The following ZFPM2 variants were observed in gnomAD, a reference collection of about 807,000 sequenced individuals.
ZFPM2 encodes zinc finger protein ZFPM2.
In ZFPM2, 20 loss-of-function variants were observed where a neutral mutation model predicts 98.6. That is an observed-to-expected ratio of 0.20 (90% confidence interval 0.14 to 0.29). The LOEUF (loss-of-function observed/expected upper bound fraction) is 0.29, where lower values mean the gene tolerates loss of function less well. ZFPM2 is among the 10% of genes least tolerant of loss of function. The pLI is 1.00. For missense variants in ZFPM2, 1,310 were observed against 1,388.6 expected (o/e 0.94, Z 0.90); for synonymous variants, 518 against 502.7 (o/e 1.03, Z -0.41).
intron 4 of ZFPM2, among the ~76,000 whole-genome samples, chr8:105,622,070 A>T (rs1174029780): frequency 6.6e-6 from 1 of 152,068 alleles, no homozygotes; most frequent in East Asian, 1.9e-4. Flanking sequence ...TACTAATTGG[A>T]ATTATTTTAT....
chr8:105,609,698 T>C (rs1316261818), intron 4 of ZFPM2, among the ~76,000 whole-genome samples: 1 of 152,182 alleles, frequency 6.6e-6, no homozygotes, highest in Non-Finnish European at 1.5e-5. Flanking sequence ...CTCTGCATAG[T>C]ACTTTGAAAT....
At chr8:105,767,857 T>C (rs1406616675) in intron 5 of ZFPM2, among the ~76,000 whole-genome samples, 1 of 151,878 alleles carries the variant, frequency 6.6e-6, no homozygotes, top group African/African-American at 2.4e-5. Flanking sequence ...TCCATTTCTT[T>C]CCAAAATTTA....
intron 3 of ZFPM2, among the ~76,000 whole-genome samples, chr8:105,485,124 C>T (rs1813204310): frequency 6.6e-6 from 1 of 152,168 alleles, no homozygotes; most frequent in Non-Finnish European, 1.5e-5. Flanking sequence ...GGCCTGGCTT[C>T]ATGAAGTGGC....
rs1438212412 is a variant in ZFPM2 at position 105,318,472 on chromosome 8, C to T, written c.-470C>T. On this transcript the variant is annotated 5_prime_UTR_variant, in exon 1 of 8. Coordinates refer to ENST00000407775, the MANE Select transcript of ZFPM2 (RefSeq NM_012082.4). Reference sequence around the variant, plus strand: ...GCTGCGCGGCCCGGAGCGGCGGCGGCGGCGCCGGAGTATCCGTCCCGCACG... The same window carrying T: ...GCTGCGCGGCCCGGAGCGGCGGCGGTGGCGCCGGAGTATCCGTCCCGCACG... Among the ~76,000 whole-genome samples the T allele has an allele frequency of 6.7e-6, 1 of 150,220 alleles. No homozygotes were observed. Among genetic ancestry groups the T allele is most frequent in the African/African-American group, 2.5e-5 (1 of 40,632 alleles).
intron 3 of ZFPM2, among the ~76,000 whole-genome samples, chr8:105,546,215 T>G (rs780171783): frequency 1.3e-5 from 2 of 152,194 alleles, no homozygotes. Flanking sequence ...CAAGCAAATC[T>G]GCATGTTGAA....
chr8:105,480,752 ATT>A (rs765031551), intron 3 of ZFPM2, among the ~76,000 whole-genome samples: 12 of 140,880 alleles, frequency 8.5e-5, no homozygotes, highest in Admixed American at 1.4e-4. Context: ...GTGGGATTAC[ATT>A]TTTTTTTTTT....
At chr8:105,601,779 G>A (rs147130847) in intron 4 of ZFPM2, among the ~76,000 whole-genome samples, 151 of 152,194 alleles carry the variant, frequency 9.9e-4, no homozygotes, top group African/African-American at 3.3e-3. Context: ...GGGGGCACGG[G>A]CATTAGTTGA....
chr8:105,764,245 C>G (rs190997586), intron 5 of ZFPM2, among the ~76,000 whole-genome samples: 40 of 149,794 alleles, frequency 2.7e-4, no homozygotes, highest in African/African-American at 7.8e-4. Context: ...AAAGCTAGAT[C>G]AAGGTTTAAA....
intron 5 of ZFPM2, among the ~76,000 whole-genome samples, chr8:105,675,735 A>C (rs772656976): frequency 1.3e-4 from 20 of 152,206 alleles, no homozygotes; most frequent in Non-Finnish European, 2.5e-4. Context: ...ATATCAGGCC[A>C]CTAGATTTAC....
intron 1 of ZFPM2, among the ~76,000 whole-genome samples, chr8:105,331,222 A>G (rs978847529): frequency 2.6e-5 from 4 of 151,220 alleles, no homozygotes; most frequent in Non-Finnish European, 5.9e-5. Context: ...ATAAATAATT[A>G]TGATCAACAA....
chr8:105,380,528 C>T lies in ZFPM2; in HGVS notation c.41-38616C>T, dbSNP rs535801711. Among the ~76,000 whole-genome samples the T allele has an allele frequency of 5.8e-4, 79 of 135,740 alleles. 2 individuals are homozygous for T. The highest frequency in any genetic ancestry group is 7.3e-3 in the Middle Eastern group (2 of 274). The allele number at this position is 135,740 out of a possible 152,430, so 89.1% of individuals were successfully genotyped here. On this transcript the variant is annotated intron_variant, in intron 1 of 7. Coordinates refer to ENST00000407775, the MANE Select transcript of ZFPM2 (RefSeq NM_012082.4). Reference sequence around the variant, plus strand: ...AAATGATACTACTACATATGCACACCCGAACTCAGCCAAAGACATAAACAT... The same window carrying T: ...AAATGATACTACTACATATGCACACTCGAACTCAGCCAAAGACATAAACAT...
At chr8:105,369,243 G>A (rs114872161) in intron 1 of ZFPM2, among the ~76,000 whole-genome samples, 1,805 of 152,184 alleles carry the variant, frequency 0.012, 31 homozygotes, top group African/African-American at 0.042. Flanking sequence ...GGGTCTGTTT[G>A]AAATTGAAGA....
At chr8:105,633,013 C>T (rs1427386548) in intron 4 of ZFPM2, among the ~76,000 whole-genome samples, 3 of 152,054 alleles carry the variant, frequency 2.0e-5, no homozygotes, top group Non-Finnish European at 2.9e-5. Context: ...AATGGGTCAG[C>T]ATTCATTTTA....
rs867449850 is a variant in ZFPM2 at position 105,533,687 on chromosome 8, G to A, written c.302-27676G>A. Among the ~76,000 whole-genome samples the A allele has an allele frequency of 2.2e-4, 20 of 90,146 alleles. No individual in the cohort carries two copies. In the South Asian group the frequency reaches 2.3e-3, roughly 10 times the overall value. 59.1% of individuals were successfully genotyped at this position (90,146 alleles called of 152,430 possible). On this transcript the variant is annotated intron_variant, in intron 3 of 7. Coordinates refer to ENST00000407775, the MANE Select transcript of ZFPM2 (RefSeq NM_012082.4). ...TTTCCTTCGTTCGTTCCTTCCCTCCGTCCTTCCCTCCCTCCCTCCCTCCTT... is the reference window on the plus strand; with the variant it reads ...TTTCCTTCGTTCGTTCCTTCCCTCCATCCTTCCCTCCCTCCCTCCCTCCTT...
chr8:105,677,930 A>G (rs1333571451), intron 5 of ZFPM2, among the ~76,000 whole-genome samples: 1 of 152,182 alleles, frequency 6.6e-6, no homozygotes, highest in East Asian at 1.9e-4. Flanking sequence ...TCCTATGCAA[A>G]TAGCCAATGT....
chr8:105,769,866 C>A (rs1230570636), intron 5 of ZFPM2, among the ~76,000 whole-genome samples: 2 of 151,752 alleles, frequency 1.3e-5, no homozygotes, highest in African/African-American at 4.8e-5. Context: ...TCTGGTGGAC[C>A]CTTTATGTAC....
chr8:105,569,125 G>C (rs1815302800), intron 4 of ZFPM2, among the ~76,000 whole-genome samples: 1 of 152,120 alleles, frequency 6.6e-6, no homozygotes, highest in Non-Finnish European at 1.5e-5. Context: ...TGGTGCTCTA[G>C]GTTTACTAGG....
intron 5 of ZFPM2, among the ~76,000 whole-genome samples, chr8:105,742,898 G>A (rs1179249863): frequency 6.6e-6 from 1 of 152,000 alleles, no homozygotes; most frequent in African/African-American, 2.4e-5. Context: ...ACAAACAAAC[G>A]ATCATCCATA....
At chr8:105,705,860 C>T (rs113916917) in intron 5 of ZFPM2, among the ~76,000 whole-genome samples, 12 of 152,106 alleles carry the variant, frequency 7.9e-5, no homozygotes, top group Middle Eastern at 3.4e-3. Context: ...TCTACTGAGG[C>T]GAAATGAATG....
Sources: gnomAD v4.1 joint callset for allele counts (sites outside exome capture counted in the v4.1 genomes callset) on GRCh38, gnomAD v4.1.1 for gene constraint, MANE v1.5 for transcripts, NCBI Gene and HGNC (gene_info 2026-07-23, HGNC 2026-07-21) for gene names.